The following CACNA2D1 variants were observed in gnomAD, a reference collection of about 807,000 sequenced individuals.
CACNA2D1 encodes voltage-dependent calcium channel subunit alpha-2/delta-1.
CACNA2D1 carries 53 observed loss-of-function variants against 171.5 expected under a neutral mutation model. That is an observed-to-expected ratio of 0.31 (90% confidence interval 0.25 to 0.39). The LOEUF (loss-of-function observed/expected upper bound fraction) is 0.39. CACNA2D1 is among the 10% of genes least tolerant of loss of function. The pLI is 1.00. For missense variants in CACNA2D1, 903 were observed against 1,299.8 expected (o/e 0.69, Z 4.69); for synonymous variants, 442 against 443.1 (o/e 1.00, Z 0.03).
chr7:82,244,275 A>G (rs561996622), intron 3 of CACNA2D1, among the ~76,000 whole-genome samples: 6 of 152,018 alleles, frequency 3.9e-5, no homozygotes, highest in Non-Finnish European at 8.8e-5. Flanking sequence ...CAAATCCTTT[A>G]TGACACTAAA....
At chr7:82,375,488 A>T (rs1822916201) in intron 1 of CACNA2D1, among the ~76,000 whole-genome samples, 1 of 152,122 alleles carries the variant, frequency 6.6e-6, no homozygotes, top group Non-Finnish European at 1.5e-5. Flanking sequence ...GTCCAGTTCT[A>T]ACCTCTTCTC....
At position 82,303,219 on chromosome 7, in the gene CACNA2D1, T is replaced by G. The variant is rs533898459; in HGVS notation, c.294+31916A>C. On this transcript the variant is annotated intron_variant, in intron 3 of 38. Coordinates refer to ENST00000356860, the MANE Select transcript of CACNA2D1 (RefSeq NM_000722.4). ...TCACTATGTTAGCCAGGATGGTCTC[T>G]ATCTCCTGACCTTGTGATCTGCCCA... Among the ~76,000 whole-genome samples, 29 of 152,108 alleles carry G rather than the reference T, an allele frequency of 1.9e-4. No homozygotes were observed. The South Asian group carries it at 3.5e-3, about 18-fold the overall frequency.
intron 21 of CACNA2D1, 115 bp downstream of exon 21, chr7:81,991,070 T>C: frequency 1.5e-6 from 1 of 647,386 alleles, no homozygotes; most frequent in Non-Finnish European, 2.9e-6. Context: ...AAGTTTAGTA[T>C]GTTTTCATGT....
intron 2 of CACNA2D1, among the ~76,000 whole-genome samples, chr7:82,341,189 T>C (rs770403846): frequency 6.6e-6 from 1 of 152,210 alleles, no homozygotes; most frequent in Non-Finnish European, 1.5e-5. Context: ...TAATGTACTT[T>C]CTCGGTCACT....
chr7:82,147,905 A>C lies in CACNA2D1; in HGVS notation c.355-11229T>G, dbSNP rs139198536. Among the ~76,000 whole-genome samples the C allele has an allele frequency of 7.8e-3, 1,192 of 152,304 alleles. 55 individuals carry two copies. The highest frequency in any genetic ancestry group is 0.061 in the Admixed American group (926 of 15,292). ...ATGTAGGATAGGAAATAAAGGTAGT[A>C]CAGGGACATTTATTATGTGTCTATT... On this transcript the variant is annotated intron_variant, in intron 4 of 38. Transcript: ENST00000356860.
rs1420622977 is a variant in CACNA2D1, at chr7:82,274,035, C to T, written c.294+61100G>A. 1.3e-5 allele frequency among the ~76,000 whole-genome samples: 2 copies of T among 152,094 alleles called. 1 individual carries two copies. The highest frequency in any genetic ancestry group is 2.9e-5 in the Non-Finnish European group (2 of 68,024). ...CCATATGTCATTTGACCCCTGGCTA[C>T]CCCTCTGAACTCTCCTTATATACTC... is the stretch of plus-strand genomic sequence containing the variant. On this transcript the variant is annotated intron_variant, in intron 3 of 38. Transcript: ENST00000356860.
At chr7:82,400,023 G>C (rs924501682) in intron 1 of CACNA2D1, among the ~76,000 whole-genome samples, 3 of 151,686 alleles carry the variant, frequency 2.0e-5, no homozygotes, top group Non-Finnish European at 4.4e-5. Context: ...GATATGCGGC[G>C]TTATTTCTGA....
chr7:81,974,841 A>T (rs1436393355), intron 24 of CACNA2D1, among the ~76,000 whole-genome samples: 1 of 151,934 alleles, frequency 6.6e-6, no homozygotes, highest in Non-Finnish European at 1.5e-5. Flanking sequence ...GGAGTCTCAT[A>T]TAGCAATTAA....
rs796992460 is a variant in CACNA2D1 at position 81,947,737 on chromosome 7, T to C, written c.*2655A>G. On this transcript the variant is annotated 3_prime_UTR_variant, in exon 39 of 39. Coordinates refer to ENST00000356860, the MANE Select transcript of CACNA2D1 (RefSeq NM_000722.4). ...AGGCTATAATTTAAGTTCTTGTCAATGTAACTCAGAAAAATACTAAATGTA... is the reference window on the plus strand; with the variant it reads ...AGGCTATAATTTAAGTTCTTGTCAACGTAACTCAGAAAAATACTAAATGTA... 5.3e-5 allele frequency: 8 copies of C among 152,044 alleles called. No individual in the cohort carries two copies. The highest frequency in any genetic ancestry group is 1.9e-4 in the African/African-American group (8 of 41,542). 9.4% of individuals were successfully genotyped at this position (152,044 alleles called of 1,614,324 possible). A position where few individuals can be genotyped will look rare whatever the true frequency, so the allele number is the denominator to read the frequency against.
chr7:81,970,095 A>G, intron 27 of CACNA2D1, 111 bp from the exon 28 acceptor site: 1 of 728,642 alleles, frequency 1.4e-6, no homozygotes, highest in Non-Finnish European at 2.5e-6. Context: ...AGGTATGTCT[A>G]AAGAAGTTAG....
chr7:82,309,439 C>T (rs1357797187), intron 3 of CACNA2D1, among the ~76,000 whole-genome samples: 4 of 151,906 alleles, frequency 2.6e-5, no homozygotes, highest in Non-Finnish European at 5.9e-5. Context: ...AATGGAAAGT[C>T]TTCAGAACTA....
At chr7:82,339,315 AG>A (rs1818342055) in intron 2 of CACNA2D1, among the ~76,000 whole-genome samples, 1 of 152,204 alleles carries the variant, frequency 6.6e-6, no homozygotes, top group Non-Finnish European at 1.5e-5. Flanking sequence ...ATTAAATCTT[AG>A]GTATGTAAAT....
chr7:82,314,939 C>G (rs1231958856), intron 3 of CACNA2D1, among the ~76,000 whole-genome samples: 1 of 151,098 alleles, frequency 6.6e-6, no homozygotes, highest in Non-Finnish European at 1.5e-5. Context: ...GGACCAAAAA[C>G]TTCATCTCTC....
intron 1 of CACNA2D1, among the ~76,000 whole-genome samples, chr7:82,426,134 A>AATAT (rs1419029348): frequency 7.1e-5 from 6 of 84,452 alleles, no homozygotes; most frequent in South Asian, 4.9e-4. Context: ...CTGCTTCAAA[A>AATAT]ATATATAAAT....
At chr7:82,435,030 CTTTTTTTTTTTTTTT>C (rs764179836) in intron 1 of CACNA2D1, among the ~76,000 whole-genome samples, 1 of 84,344 alleles carries the variant, frequency 1.2e-5, no homozygotes, top group Non-Finnish European at 2.2e-5. Context: ...TCTTCAGATA[CTTTTTTTTTTTTTTT>C]TTTTTTTTGA....
At chr7:82,193,609 T>C (rs1384949308) in intron 3 of CACNA2D1, among the ~76,000 whole-genome samples, 1 of 151,998 alleles carries the variant, frequency 6.6e-6, no homozygotes, top group Non-Finnish European at 1.5e-5. Flanking sequence ...TTGAAGTGAG[T>C]ACAAAAAAGT....
chr7:82,346,452 T>TATA (rs1819267682), intron 2 of CACNA2D1, among the ~76,000 whole-genome samples: 1 of 152,168 alleles, frequency 6.6e-6, no homozygotes, highest in Non-Finnish European at 1.5e-5. Flanking sequence ...AGAACCAAGG[T>TATA]ATAATAGCCT....
At chr7:82,181,534 G>C (rs1186198354) in intron 3 of CACNA2D1, among the ~76,000 whole-genome samples, 1 of 152,158 alleles carries the variant, frequency 6.6e-6, no homozygotes, top group Non-Finnish European at 1.5e-5. Flanking sequence ...TGAATCTATG[G>C]GTTAACAAAC....
chr7:82,156,312 T>C (rs571374012), intron 4 of CACNA2D1, among the ~76,000 whole-genome samples: 1 of 152,238 alleles, frequency 6.6e-6, no homozygotes, highest in East Asian at 1.9e-4. Context: ...TAGCTTTCTA[T>C]TTACTTTTGG....
Sources: allele counts gnomAD v4.1 joint callset (sites outside exome capture counted in the v4.1 genomes callset), GRCh38; gene constraint gnomAD v4.1.1; transcripts MANE v1.5; gene names NCBI Gene and HGNC (gene_info 2026-07-23, HGNC 2026-07-21).